The following OSBPL6 variants were observed in gnomAD, a reference collection of about 807,000 sequenced individuals.
The protein encoded by OSBPL6 is oxysterol binding protein like 6.
A neutral mutation model predicts 125.8 loss-of-function variants in OSBPL6; 49 were observed. That is an observed-to-expected ratio of 0.39 (90% CI 0.31 to 0.49). The LOEUF is 0.49. Ranked by LOEUF, OSBPL6 falls within the 20% of genes least tolerant of loss-of-function variation. OSBPL6 has a pLI of 0.88. For missense variants in OSBPL6, 986 were observed against 1,135.4 expected (o/e 0.87, Z 1.89); for synonymous variants, 394 against 391.8 (o/e 1.01, Z -0.07).
At chr2:178,253,734 G>T (rs2091779022) in intron 1 of OSBPL6, among the ~76,000 whole-genome samples, 1 of 152,152 alleles carries the variant, frequency 6.6e-6, no homozygotes. Context: ...GTGGAGTTGG[G>T]AGTTTGAGTT....
At chr2:178,197,150 G>A (rs1301756049) in intron 1 of OSBPL6, among the ~76,000 whole-genome samples, 5 of 151,710 alleles carry the variant, frequency 3.3e-5, no homozygotes. Flanking sequence ...TGTAGGTTAT[G>A]TGAATATTCA....
chr2:178,258,760 C>CT (rs67352645), intron 1 of OSBPL6, among the ~76,000 whole-genome samples: 40 of 148,986 alleles, frequency 2.7e-4, no homozygotes, highest in East Asian at 2.2e-3. Flanking sequence ...GCTGTTTTGA[C>CT]TTTTTTTTTT....
chr2:178,214,833 T>G (rs2090021195), intron 1 of OSBPL6, among the ~76,000 whole-genome samples: 1 of 151,626 alleles, frequency 6.6e-6, no homozygotes, highest in South Asian at 2.1e-4. Context: ...TGCTTGTAGT[T>G]CCAGCTACTC....
At chr2:178,312,254 C>T (rs369547855) in intron 3 of OSBPL6, among the ~76,000 whole-genome samples, 17 of 150,112 alleles carry the variant, frequency 1.1e-4, no homozygotes, top group East Asian at 5.9e-4. Context: ...CTCCGCCTCC[C>T]GGGTTCAAGT....
intron 1 of OSBPL6, among the ~76,000 whole-genome samples, chr2:178,223,897 TA>T (rs1209025492): frequency 1.3e-5 from 2 of 152,234 alleles, no homozygotes; most frequent in Non-Finnish European, 2.9e-5. Flanking sequence ...ACTTTGCCTT[TA>T]ACTGTCACAG....
At chr2:178,315,713 G>T (rs796570153) in intron 3 of OSBPL6, among the ~76,000 whole-genome samples, 5 of 152,254 alleles carry the variant, frequency 3.3e-5, no homozygotes, top group African/African-American at 1.2e-4. Context: ...AGCACTGCCT[G>T]TTCGGTTCTC....
At chr2:178,195,856 A>C (rs2088855105) in intron 1 of OSBPL6, among the ~76,000 whole-genome samples, 1 of 152,116 alleles carries the variant, frequency 6.6e-6, no homozygotes, top group Non-Finnish European at 1.5e-5. Context: ...AAATTTAAAA[A>C]TTGCATACTA....
chr2:178,202,980 G>A (rs1451184282), intron 1 of OSBPL6, among the ~76,000 whole-genome samples: 2 of 151,988 alleles, frequency 1.3e-5, no homozygotes, highest in Non-Finnish European at 2.9e-5. Flanking sequence ...CAAGAAAGTT[G>A]GACAAGTTTC....
chr2:178,254,591 G>C (rs1171244588), intron 1 of OSBPL6, among the ~76,000 whole-genome samples: 1 of 152,184 alleles, frequency 6.6e-6, no homozygotes, highest in African/African-American at 2.4e-5. Flanking sequence ...AATTTAGCTA[G>C]ATGTCCTGTA....
chr2:178,194,880 G>A (rs1250314140), intron 1 of OSBPL6, among the ~76,000 whole-genome samples: 1 of 152,148 alleles, frequency 6.6e-6, no homozygotes, highest in Non-Finnish European at 1.5e-5. Context: ...TGGGGGCGGC[G>A]GTGTCAGCCC....
At chr2:178,384,365 G>A (rs1472034403) in intron 18 of OSBPL6, among the ~76,000 whole-genome samples, 189 bp downstream of exon 18, 1 of 152,218 alleles carries the variant, frequency 6.6e-6, no homozygotes, top group Admixed American at 6.5e-5. Context: ...CCATGACACA[G>A]CCTCAGGAGG....
intron 4 of OSBPL6, among the ~76,000 whole-genome samples, chr2:178,325,563 C>T (rs1688628206): frequency 6.6e-6 from 1 of 152,056 alleles, no homozygotes; most frequent in South Asian, 2.1e-4. Flanking sequence ...TTTGAAATAG[C>T]AATTCTCTCT....
At chr2:178,356,179 A>G (rs1691773112) in intron 12 of OSBPL6, among the ~76,000 whole-genome samples, 1 of 152,250 alleles carries the variant, frequency 6.6e-6, no homozygotes. Context: ...AACCAGCACA[A>G]GACACAGATG....
At chr2:178,290,632 T>C (rs1482653349) in intron 2 of OSBPL6, among the ~76,000 whole-genome samples, 1 of 152,164 alleles carries the variant, frequency 6.6e-6, no homozygotes, top group Non-Finnish European at 1.5e-5. Context: ...GTCCTATTAA[T>C]TTCTTTGACT....
At chr2:178,223,039 A>T in intron 1 of OSBPL6, among the ~76,000 whole-genome samples, 1 of 152,186 alleles carries the variant, frequency 6.6e-6, no homozygotes, top group East Asian at 1.9e-4. Flanking sequence ...GTTGTGTCCT[A>T]TTTTTTTGTT....
At position 178,293,038 on chromosome 2, in the gene OSBPL6, G is replaced by C. The variant is rs190030053; in HGVS notation, c.-156+7917G>C. On this transcript the variant is annotated intron_variant, in intron 2 of 24. Coordinates refer to ENST00000190611, the MANE Select transcript of OSBPL6 (RefSeq NM_032523.4). ...TCAACTGGCACTATAAGTAGTTAAA[G>C]TTTCAGATGAAAATGTCTTGTTTTG... is the stretch of plus-strand genomic sequence containing the variant. 4.6e-5 allele frequency among the ~76,000 whole-genome samples: 7 copies of C among 151,750 alleles called. No homozygotes were observed. In the East Asian group the frequency reaches 1.4e-3, roughly 29 times the overall value.
chr2:178,294,137 A>G (rs1221999137), intron 2 of OSBPL6, among the ~76,000 whole-genome samples: 1 of 152,194 alleles, frequency 6.6e-6, no homozygotes, highest in Non-Finnish European at 1.5e-5. Flanking sequence ...CCATGTGCAC[A>G]TTGACTGCAT....
intron 2 of OSBPL6, among the ~76,000 whole-genome samples, chr2:178,296,255 G>C (rs879401583): frequency 1.3e-5 from 2 of 152,176 alleles, no homozygotes; most frequent in Non-Finnish European, 2.9e-5. Context: ...TGGTACCCTT[G>C]AGAACCTATG....
intron 10 of OSBPL6, 104 bp from the exon 11 acceptor site, chr2:178,339,568 C>A: frequency 1.2e-6 from 1 of 819,368 alleles, no homozygotes; most frequent in Non-Finnish European, 1.8e-6. Context: ...TGCTTATAGG[C>A]TCTAACAATG....
Sources: allele counts gnomAD v4.1 joint callset (sites outside exome capture counted in the v4.1 genomes callset), GRCh38; gene constraint gnomAD v4.1.1; transcripts MANE v1.5; gene names NCBI Gene and HGNC (gene_info 2026-07-23, HGNC 2026-07-21).